The following GARS1 variants were observed in gnomAD, a reference collection of about 807,000 sequenced individuals.
GARS1 encodes glycine--tRNA ligase.
A neutral mutation model predicts 86.4 loss-of-function variants in GARS1; 46 were observed. The observed-to-expected ratio is 0.53, with a 90% CI of 0.42 to 0.68. GARS1 has a LOEUF of 0.68. Ranked by LOEUF, GARS1 falls within the 30% of genes least tolerant of loss-of-function variation. The pLI is 0.00. For missense variants in GARS1, 797 were observed against 915.6 expected (o/e 0.87, Z 1.67); for synonymous variants, 342 against 329.8 (o/e 1.04, Z -0.40).
At chr7:30,611,153 T>C (rs1016605238) in intron 7 of GARS1, among the ~76,000 whole-genome samples, 2 of 152,234 alleles carry the variant, frequency 1.3e-5, no homozygotes, top group Non-Finnish European at 2.9e-5. Context: ...GTTATAGTAG[T>C]GTATTTGCTT....
chr7:30,614,403 C>G (rs1473603232), intron 8 of GARS1: 2 of 152,086 alleles, frequency 1.3e-5, no homozygotes, highest in Non-Finnish European at 1.5e-5. Context: ...TATCCTGTCC[C>G]ACATTGTAGA....
intron 1 of GARS1, among the ~76,000 whole-genome samples, chr7:30,596,471 T>C (rs1562769987): frequency 6.6e-6 from 1 of 151,150 alleles, no homozygotes; most frequent in Non-Finnish European, 1.5e-5. Context: ...GAAGGAAGCA[T>C]ACAACTAATT....
rs1165136815 is a variant in GARS1, at chr7:30,615,934, C to T, written c.1070C>T (p.Pro357Leu). ...TMAEIEHFVDPSEKDHPKFQN... is the reference protein window; with the variant it reads ...TMAEIEHFVDLSEKDHPKFQN... ...GCAGAAATTGAGCACTTTGTAGATCCCAGTGAGAAAGACCACCCCAAGTTC... is the reference window on the plus strand; with the variant it reads ...GCAGAAATTGAGCACTTTGTAGATCTCAGTGAGAAAGACCACCCCAAGTTC... Residue 357 changes from proline (P) to leucine (L), a missense_variant, in exon 9 of 17, where the codon CCC becomes CTC. Around this residue, in one of 2 missense-constraint regions of GARS1, gnomAD observed 598 missense variants for 738.7 expected, o/e 0.81. Coordinates refer to ENST00000389266, the MANE Select transcript of GARS1 (RefSeq NM_002047.4). The T allele has an allele frequency of 6.2e-7, 1 of 1,614,020 alleles. No homozygotes were observed. The highest frequency in any genetic ancestry group is 8.5e-7 in the Non-Finnish European group (1 of 1,179,994).
chr7:30,622,768 G>A (rs1013959661), intron 12 of GARS1: 34 of 379,830 alleles, frequency 9.0e-5, no homozygotes, highest in Admixed American at 5.0e-4. Context: ...CTTTTTGGAG[G>A]TTTAGAATAC....
intron 6 of GARS1, among the ~76,000 whole-genome samples, chr7:30,604,251 G>T (rs1344559689): frequency 1.3e-5 from 2 of 152,186 alleles, no homozygotes; most frequent in African/African-American, 2.4e-5. Context: ...ATGTGCTCAT[G>T]TATATATGTT....
chr7:30,617,026 G>C (rs1562778094), intron 9 of GARS1, 88 bp from the exon 10 acceptor site: 4 of 1,299,298 alleles, frequency 3.1e-6, no homozygotes, highest in Non-Finnish European at 4.4e-6. Context: ...TCAGTAGAGT[G>C]AGTCAATGGA....
chr7:30,603,177 T>C (rs1791415044), intron 5 of GARS1, 55 bp downstream of exon 5: 1 of 1,376,996 alleles, frequency 7.3e-7, no homozygotes, highest in Middle Eastern at 1.8e-4. Flanking sequence ...GGTTTAAACT[T>C]TCTCTCAGAT....
At chr7:30,618,777 T>C (rs1457030633) in intron 10 of GARS1, among the ~76,000 whole-genome samples, 1 of 152,258 alleles carries the variant, frequency 6.6e-6, no homozygotes, top group Non-Finnish European at 1.5e-5. Context: ...CTATTAATGA[T>C]GTTGTTTTTA....
chr7:30,619,293 G>A (rs1170690988), intron 10 of GARS1, among the ~76,000 whole-genome samples: 4 of 152,142 alleles, frequency 2.6e-5, no homozygotes, highest in Non-Finnish European at 5.9e-5. Flanking sequence ...TGGAAAACAG[G>A]GCTAAATGAA....
chr7:30,633,963 G>A lies in GARS1; in HGVS notation c.*103G>A. The A allele has an allele frequency of 1.4e-6, 2 of 1,417,688 alleles. No individual in the cohort carries two copies. Among genetic ancestry groups the A allele is most frequent in the South Asian group, 1.3e-5 (1 of 77,994 alleles). 87.8% of individuals were successfully genotyped at this position (1,417,688 alleles called of 1,614,324 possible). On this transcript the variant is annotated 3_prime_UTR_variant, in exon 17 of 17. Transcript: ENST00000389266. ...AAAACAGCATTGTGATTACTCCCAG[G>A]GACCGTATTTTATCTTCAGTGGCTG...
At chr7:30,598,377 CTTTTTT>C (rs1174085518) in intron 1 of GARS1, among the ~76,000 whole-genome samples, 3 of 99,602 alleles carry the variant, frequency 3.0e-5, no homozygotes, top group Admixed American at 2.3e-4. Flanking sequence ...TTGCATCATT[CTTTTTT>C]TTTTTTTTTT....
rs756087389 is a variant in GARS1 at position 30,609,782 on chromosome 7, C to T, written c.881+52C>T. The stretch of plus-strand genomic sequence containing the variant: ...TTATGTAATGAAGTTTTTAAAATTG[C>T]TTATATTAAAAGGTAAATATCAATG... On this transcript the variant is annotated intron_variant, in intron 7 of 16. Transcript: ENST00000389266. The T allele has an allele frequency of 4.5e-6, 7 of 1,566,808 alleles. No homozygotes were observed. The African/African-American group carries it at 8.1e-5, about 18-fold the overall frequency.
intron 14 of GARS1, among the ~76,000 whole-genome samples, chr7:30,628,901 C>T (rs1397021514): frequency 1.3e-5 from 2 of 152,158 alleles, no homozygotes; most frequent in Non-Finnish European, 2.9e-5. Flanking sequence ...CTGGTGCTCT[C>T]TATTCTTAGA....
At chr7:30,624,457 A>G (rs1408956983) in intron 12 of GARS1, among the ~76,000 whole-genome samples, 4 of 152,234 alleles carry the variant, frequency 2.6e-5, no homozygotes, top group Non-Finnish European at 5.9e-5. Context: ...ATGGAAGTAA[A>G]ATGTATGCTA....
At position 30,632,455 on chromosome 7, in the gene GARS1, T is replaced by C; in HGVS notation, c.2094+18T>C. On this transcript the variant is annotated intron_variant, in intron 16 of 16. Coordinates refer to ENST00000389266, the MANE Select transcript of GARS1 (RefSeq NM_002047.4). The surrounding 1 kb of genome is among the most constrained non-coding windows in gnomAD (Gnocchi z 4.1). The stretch of plus-strand genomic sequence containing the variant: ...GAGCAGAGGTATCTGGCCTTCTCTT[T>C]GGCATTTTTAGCCTTAGAAATGTGT... The C allele has an allele frequency of 6.2e-7, 1 of 1,613,738 alleles. No individual in the cohort carries two copies. Among genetic ancestry groups the C allele is most frequent in the South Asian group, 1.1e-5 (1 of 91,066 alleles).
At chr7:30,621,279 A>G (rs755563119) in intron 10 of GARS1, 114 bp from the exon 11 acceptor site, 5 of 875,228 alleles carry the variant, frequency 5.7e-6, no homozygotes, top group Non-Finnish European at 9.5e-6. Context: ...TGAAGATTAT[A>G]TCATCGAATT....
At chr7:30,622,557 GCA>G in intron 12 of GARS1, 95 bp downstream of exon 12, 1 of 1,468,940 alleles carries the variant, frequency 6.8e-7, no homozygotes, top group Non-Finnish European at 9.5e-7. Context: ...AAGATTTTTT[GCA>G]GGTAAGTACT....
At chr7:30,602,860 T>G (rs1489177691) in intron 4 of GARS1, among the ~76,000 whole-genome samples, 174 bp from the exon 5 acceptor site, 1 of 152,236 alleles carries the variant, frequency 6.6e-6, no homozygotes, top group Non-Finnish European at 1.5e-5. Flanking sequence ...GAAATAGATT[T>G]GAGGAAGAAT....
chr7:30,631,964 T>C, intron 15 of GARS1: 1 of 445,214 alleles, frequency 2.2e-6, no homozygotes, highest in Non-Finnish European at 4.1e-6. Flanking sequence ...CTTAGAGCCA[T>C]AAAAATAGAG....
Sources: allele counts gnomAD v4.1 joint callset (sites outside exome capture counted in the v4.1 genomes callset), GRCh38; gene constraint gnomAD v4.1.1; regional missense constraint gnomAD v4.1.1; non-coding constraint Gnocchi (gnomAD v3.1); transcripts MANE v1.5; gene names NCBI Gene and HGNC (gene_info 2026-07-23, HGNC 2026-07-21).